IQGAP2: variants seen among roughly 807,000 people sequenced by gnomAD.
IQGAP2 encodes the protein IQ motif containing GTPase activating protein 2, also known as ras GTPase-activating-like protein IQGAP2.
In IQGAP2, 173 loss-of-function variants were observed where a neutral mutation model predicts 201.3. That is an observed-to-expected ratio of 0.86 (90% CI 0.76 to 0.98). The LOEUF (loss-of-function observed/expected upper bound fraction) is 0.98. Among genes scored for constraint, IQGAP2 ranks in the 50% least tolerant of loss-of-function variants. The pLI, the probability that IQGAP2 is intolerant of heterozygous loss-of-function variation, is 0.00. For synonymous variants in IQGAP2, 675 were observed against 673.9 expected (o/e 1.00, Z -0.03); for missense variants, 1,687 against 1,864.8 (o/e 0.90, Z 1.76).
intron 9 of IQGAP2, among the ~76,000 whole-genome samples, chr5:76,594,976 T>A (rs2011213): frequency 0.52 from 77,719 of 149,154 alleles, 20,653 homozygotes; most frequent in South Asian, 0.72. Context: ...AAAAAAAATT[T>A]AAAAAAAAAA....
At chr5:76,436,519 T>TATA (rs1752706155) in intron 1 of IQGAP2, among the ~76,000 whole-genome samples, 2 of 21,176 alleles carry the variant, frequency 9.4e-5, no homozygotes, top group Non-Finnish European at 1.4e-4. Context: ...ATATATATAT[T>TATA]TTTTTTTTTT....
At chr5:76,640,558 T>C (rs1751491569) in intron 16 of IQGAP2, among the ~76,000 whole-genome samples, 1 of 152,182 alleles carries the variant, frequency 6.6e-6, no homozygotes, top group Admixed American at 6.6e-5. Flanking sequence ...TTGCAGTCTT[T>C]TCCTTGGCAG....
intron 17 of IQGAP2, among the ~76,000 whole-genome samples, chr5:76,651,532 G>A (rs888195453): frequency 7.2e-5 from 11 of 152,206 alleles, no homozygotes; most frequent in Admixed American, 1.3e-4. Flanking sequence ...GAGCCCAGGA[G>A]GTGGAGGCTG....
chr5:76,429,823 T>C (rs1752259315), intron 1 of IQGAP2, among the ~76,000 whole-genome samples: 1 of 149,912 alleles, frequency 6.7e-6, no homozygotes, highest in Non-Finnish European at 1.5e-5. Flanking sequence ...CACTAAGGAT[T>C]TGCATTTGTA....
chr5:76,624,064 A>C (rs1749997318), intron 13 of IQGAP2, among the ~76,000 whole-genome samples: 1 of 151,962 alleles, frequency 6.6e-6, no homozygotes. Flanking sequence ...CATCATGAAA[A>C]TGAGGACTCC....
intron 5 of IQGAP2, among the ~76,000 whole-genome samples, chr5:76,583,372 T>C (rs1028740531): frequency 6.6e-6 from 1 of 152,052 alleles, no homozygotes; most frequent in Non-Finnish European, 1.5e-5. Context: ...ACACAGAGAT[T>C]AGGTGTAAAA....
At chr5:76,629,000 T>C (rs1307333819) in intron 14 of IQGAP2, among the ~76,000 whole-genome samples, 1 of 152,220 alleles carries the variant, frequency 6.6e-6, no homozygotes, top group Non-Finnish European at 1.5e-5. Context: ...TAGAAGGTTT[T>C]TAAAATGTTC....
intron 2 of IQGAP2, among the ~76,000 whole-genome samples, chr5:76,508,896 T>G (rs879839265): frequency 6.6e-6 from 1 of 152,100 alleles, no homozygotes; most frequent in Non-Finnish European, 1.5e-5. Context: ...AATGCAAGCA[T>G]GCATACAGCC....
In IQGAP2 at chr5:76,647,400, G is replaced by A. The variant is rs146868077; in HGVS notation, c.2095-5350G>A. Among the ~76,000 whole-genome samples, 455 of 152,142 alleles carry A rather than the reference G, an allele frequency of 3.0e-3. 1 individual carries two copies. Among genetic ancestry groups the A allele is most frequent in the African/African-American group, 0.01 (424 of 41,502 alleles). ...ATGGTTTGGCTCTGTGTCCCCACCC[G>A]AATCTCATCTTGAATTGAACTTCCA... On this transcript the variant is annotated intron_variant, in intron 17 of 35. Coordinates refer to ENST00000274364, the MANE Select transcript of IQGAP2 (RefSeq NM_006633.5).
At chr5:76,574,007 A>G (rs1029635058) in intron 4 of IQGAP2, among the ~76,000 whole-genome samples, 3 of 151,956 alleles carry the variant, frequency 2.0e-5, no homozygotes, top group Non-Finnish European at 4.4e-5. Flanking sequence ...GGCTACTGCC[A>G]TTTCTTTAAG....
At chr5:76,648,983 C>G (rs1752304548) in intron 17 of IQGAP2, among the ~76,000 whole-genome samples, 1 of 152,090 alleles carries the variant, frequency 6.6e-6, no homozygotes, top group African/African-American at 2.4e-5. Context: ...GCAGTACTGA[C>G]AAAGTACTTG....
chr5:76,508,602 G>T (rs1020561533), intron 2 of IQGAP2, among the ~76,000 whole-genome samples: 2 of 151,990 alleles, frequency 1.3e-5, no homozygotes, highest in Non-Finnish European at 2.9e-5. Flanking sequence ...CAGCACTTTG[G>T]GAGGCGGAGG....
intron 23 of IQGAP2, among the ~76,000 whole-genome samples, chr5:76,669,672 A>T (rs2150479504): frequency 6.6e-6 from 1 of 152,312 alleles, no homozygotes; most frequent in Non-Finnish European, 1.5e-5. Flanking sequence ...ATGGTGGTGG[A>T]AACAGCATGG....
At chr5:76,643,922 A>ATT (rs35194336) in intron 17 of IQGAP2, among the ~76,000 whole-genome samples, 57,953 of 151,286 alleles carry the variant, frequency 0.38, 11,230 homozygotes, top group Non-Finnish European at 0.42. Context: ...AGATGGCTGG[A>ATT]TTTTTTTTAC....
At chr5:76,684,797 G>C (rs1265279198) in intron 30 of IQGAP2, among the ~76,000 whole-genome samples, 1 of 152,118 alleles carries the variant, frequency 6.6e-6, no homozygotes, top group Non-Finnish European at 1.5e-5. Context: ...CTGATGTGCT[G>C]AAGTGTGCTT....
intron 17 of IQGAP2, among the ~76,000 whole-genome samples, chr5:76,647,849 A>C (rs904546439): frequency 6.6e-6 from 1 of 150,564 alleles, no homozygotes; most frequent in Admixed American, 6.6e-5. Flanking sequence ...ACACACACAC[A>C]CAAACGAAAA....
At chr5:76,499,930 A>C (rs1487106278) in intron 2 of IQGAP2, among the ~76,000 whole-genome samples, 1 of 151,982 alleles carries the variant, frequency 6.6e-6, no homozygotes, top group Non-Finnish European at 1.5e-5. Context: ...GCATAGTGAA[A>C]CCTCATCCCT....
At chr5:76,508,267 C>A (rs973281427) in intron 2 of IQGAP2, among the ~76,000 whole-genome samples, 1 of 151,542 alleles carries the variant, frequency 6.6e-6, no homozygotes, top group Non-Finnish European at 1.5e-5. Context: ...CCAGGAGAGC[C>A]GAGATCTCGC....
At position 76,590,423 on chromosome 5, in the gene IQGAP2, T is replaced by C; in HGVS notation, c.656T>C (p.Ile219Thr). 6.2e-7 allele frequency: 1 copy of C among 1,607,036 alleles called. No individual in the cohort carries two copies. The highest frequency in any genetic ancestry group is 8.5e-7 in the Non-Finnish European group (1 of 1,177,322). Residue 219 changes from isoleucine to threonine, a missense_variant, in exon 8 of 36, where the codon ATA becomes ACA. Transcript: ENST00000274364. Reference protein sequence around the residue: ...VDEAALHAAVIAINEAVEKGI... With the variant: ...VDEAALHAAVTAINEAVEKGI... Reference sequence around the variant, plus strand: ...TACTTTTTAGTACATGCTGCAGTTATAGCCATTAATGAAGCAGTTGAAAAA... The same window carrying C: ...TACTTTTTAGTACATGCTGCAGTTACAGCCATTAATGAAGCAGTTGAAAAA...
Sources: gnomAD v4.1 joint callset for allele counts (sites outside exome capture counted in the v4.1 genomes callset) on GRCh38, gnomAD v4.1.1 for gene constraint, MANE v1.5 for transcripts, NCBI Gene and HGNC (gene_info 2026-07-23, HGNC 2026-07-21) for gene names.